The following SIPA1L3 variants were observed in gnomAD, a reference collection of about 807,000 sequenced individuals.
The protein encoded by SIPA1L3 is signal induced proliferation associated 1 like 3.
A neutral mutation model predicts 150.1 loss-of-function variants in SIPA1L3; 59 were observed. The observed-to-expected ratio is 0.39, with a 90% CI of 0.32 to 0.49. The LOEUF (loss-of-function observed/expected upper bound fraction) is 0.49. SIPA1L3 is among the 20% of genes least tolerant of loss of function. The probability of loss-of-function intolerance (pLI) is 0.86; values close to 1 mark genes in which losing one functional copy is unlikely to be tolerated. For missense variants in SIPA1L3, 2,211 were observed against 2,489.5 expected (o/e 0.89, Z 2.38); for synonymous variants, 1,070 against 1,077.6 (o/e 0.99, Z 0.14).
At chr19:37,963,920 T>G (rs2046880975) in intron 1 of SIPA1L3, 1 of 152,166 alleles carries the variant, frequency 6.6e-6, no homozygotes, top group Non-Finnish European at 1.5e-5. Flanking sequence ...CTTTTTGAGT[T>G]GTTGGGTTTG....
chr19:37,941,438 C>G (rs1217428716), intron 1 of SIPA1L3, among the ~76,000 whole-genome samples: 1 of 145,024 alleles, frequency 6.9e-6, no homozygotes, highest in African/African-American at 2.6e-5. Flanking sequence ...CTGGTGGTTT[C>G]TAATCTGTTG....
In SIPA1L3 at chr19:38,182,509, TGC is replaced by T; in HGVS notation, c.4209-9_4209-8del. On this transcript the variant is annotated splice_region_variant and splice_polypyrimidine_tract_variant and intron_variant, in intron 15 of 21. Coordinates refer to ENST00000222345, the MANE Select transcript of SIPA1L3 (RefSeq NM_015073.3). Reference sequence around the variant, plus strand: ...TGGTTTTTTTTATCTCTTTCATTTTTGCTTTGCAGTGACATGGGCTCGAGGGT... The same window carrying T: ...TGGTTTTTTTTATCTCTTTCATTTTTTTTGCAGTGACATGGGCTCGAGGGT... 6.3e-7 allele frequency: 1 copy of T among 1,578,386 alleles called. No individual in the cohort carries two copies. Among genetic ancestry groups the T allele is most frequent in the Non-Finnish European group, 8.6e-7 (1 of 1,159,148 alleles).
rs554377063 is a variant in SIPA1L3 at position 38,003,235 on chromosome 19, C to T, written c.-378-25854C>T. The stretch of plus-strand genomic sequence containing the variant: ...CTGGGCCAGGCACCAATGAGCAAGG[C>T]AGGCACAGCTCCTCCCTGGTGGAGC... On this transcript the variant is annotated intron_variant, in intron 1 of 21. Coordinates refer to ENST00000222345, the MANE Select transcript of SIPA1L3 (RefSeq NM_015073.3). Among the ~76,000 whole-genome samples, 57 of 152,312 alleles carry T rather than the reference C, an allele frequency of 3.7e-4. 1 individual carries two copies. In the South Asian group the frequency reaches 0.011, roughly 30 times the overall value.
Position 38,082,230 on chromosome 19 carries a change from T to C in SIPA1L3, c.665T>C (p.Leu222Pro). 6.2e-7 allele frequency: 1 copy of C among 1,601,952 alleles called. No homozygotes were observed. Among genetic ancestry groups the C allele is most frequent in the Non-Finnish European group, 8.5e-7 (1 of 1,179,742 alleles). The change falls in exon 3 of 22, where the codon CTG becomes CCG. Residue 222 changes from leucine (L) to proline (P), a missense_variant. Physicochemically the swap from Leu to Pro is moderately conservative, Grantham distance 98. Around this residue, in one of 5 missense-constraint regions of SIPA1L3, gnomAD observed 587 missense variants for 534.5 expected, o/e 1.10. Coordinates refer to ENST00000222345, the MANE Select transcript of SIPA1L3 (RefSeq NM_015073.3). ...GMPEQSFFDI[L>P]NEFRSEQPDA... ...CCCGAGCAGAGCTTCTTCGACATCC[T>C]GAACGAGTTCCGCAGCGAGCAGCCC...
chr19:38,188,190 TG>T (rs1317742706), intron 16 of SIPA1L3, among the ~76,000 whole-genome samples: 1 of 151,472 alleles, frequency 6.6e-6, no homozygotes, highest in Non-Finnish European at 1.5e-5. Flanking sequence ...GTGGTGGTGG[TG>T]GTGGTGGTGG....
chr19:38,002,837 A>G (rs747535305), intron 1 of SIPA1L3, among the ~76,000 whole-genome samples: 15 of 151,510 alleles, frequency 9.9e-5, no homozygotes, highest in Non-Finnish European at 2.2e-4. Flanking sequence ...TATAGTGAAT[A>G]ATGCTGCTGT....
chr19:37,984,692 A>C (rs1967299300), intron 1 of SIPA1L3, among the ~76,000 whole-genome samples: 2 of 152,222 alleles, frequency 1.3e-5, no homozygotes, highest in South Asian at 4.1e-4. Context: ...ACACATAGCA[A>C]GTGTGCATTA....
rs908379979 is a variant in SIPA1L3, at chr19:38,164,766, C to T, written c.4068C>T (p.His1356=). 8.1e-6 allele frequency: 13 copies of T among 1,612,828 alleles called. No individual in the cohort carries two copies. The highest frequency in any genetic ancestry group is 1.7e-4 in the Middle Eastern group (1 of 6,056). The change falls in exon 15 of 22, where the codon CAC becomes CAT. Residue 1356 remains histidine, a synonymous_variant. Transcript: ENST00000222345. This position sits in a 1 kb window ranked among gnomAD's most constrained non-coding sequence, Gnocchi z 4.1. ...GGREAAGRSH[H]ADRRREVSPA... is the part of the protein sequence containing the mutation. ...GCGAGGCCGCTGGGAGGTCCCACCACGCAGACAGGCGGCGGGAGGTCTCCC... is the reference window on the plus strand; with the variant it reads ...GCGAGGCCGCTGGGAGGTCCCACCATGCAGACAGGCGGCGGGAGGTCTCCC...
intron 13 of SIPA1L3, among the ~76,000 whole-genome samples, chr19:38,155,248 A>G (rs1971917650): frequency 6.6e-6 from 1 of 151,910 alleles, no homozygotes; most frequent in Admixed American, 6.6e-5. Flanking sequence ...TTTTTTAAAA[A>G]CATTTTTTAC....
chr19:38,042,348 A>G (rs1184331585), intron 2 of SIPA1L3, among the ~76,000 whole-genome samples: 2 of 152,188 alleles, frequency 1.3e-5, no homozygotes, highest in African/African-American at 2.4e-5. Context: ...TCTGATTACT[A>G]TAGCTTTGTA....
At chr19:38,166,518 G>A (rs936116499) in intron 15 of SIPA1L3, among the ~76,000 whole-genome samples, 19 of 151,586 alleles carry the variant, frequency 1.3e-4, no homozygotes, top group Non-Finnish European at 1.8e-4. Context: ...CTAGAGTCCC[G>A]ACCACACACA....
intron 1 of SIPA1L3, among the ~76,000 whole-genome samples, chr19:37,965,940 C>T (rs143993251): frequency 2.4e-4 from 37 of 152,200 alleles, no homozygotes; most frequent in Non-Finnish European, 3.5e-4. Context: ...TCTTTGTGTG[C>T]GGTGGGCACT....
chr19:38,087,471 A>T (rs1363425082), intron 3 of SIPA1L3, among the ~76,000 whole-genome samples: 6 of 152,196 alleles, frequency 3.9e-5, no homozygotes, highest in Non-Finnish European at 8.8e-5. Flanking sequence ...CATCAGTTAA[A>T]CATTCAGTGT....
intron 16 of SIPA1L3, among the ~76,000 whole-genome samples, chr19:38,186,424 T>A (rs543029378): frequency 6.9e-4 from 105 of 152,198 alleles, no homozygotes; most frequent in African/African-American, 2.4e-3. Flanking sequence ...GCACTTCTTC[T>A]GCCTCAGCCT....
chr19:38,090,286 C>T (rs543048950), intron 4 of SIPA1L3, among the ~76,000 whole-genome samples: 24 of 149,666 alleles, frequency 1.6e-4, no homozygotes, highest in Middle Eastern at 3.4e-3. Flanking sequence ...GCTGAGATCG[C>T]GCCATTGTAC....
intron 12 of SIPA1L3, among the ~76,000 whole-genome samples, chr19:38,144,595 AT>A (rs1971666672): frequency 6.6e-6 from 1 of 152,216 alleles, no homozygotes; most frequent in African/African-American, 2.4e-5. Context: ...CCATTGTTAG[AT>A]TCTAAGCCTC....
chr19:38,007,900 G>A (rs942265001), intron 1 of SIPA1L3, among the ~76,000 whole-genome samples: 3 of 152,114 alleles, frequency 2.0e-5, no homozygotes, highest in African/African-American at 4.8e-5. Flanking sequence ...TGTTTATCAC[G>A]GTCTGATGTT....
intron 12 of SIPA1L3, among the ~76,000 whole-genome samples, chr19:38,144,138 C>G (rs1412449159): frequency 6.6e-6 from 1 of 152,216 alleles, no homozygotes; most frequent in East Asian, 1.9e-4. Context: ...TCTGGAGCTC[C>G]CTCTTGAGGC....
intron 1 of SIPA1L3, among the ~76,000 whole-genome samples, chr19:37,984,488 A>G (rs1388558019): frequency 2.0e-5 from 3 of 152,170 alleles, no homozygotes; most frequent in Admixed American, 6.5e-5. Flanking sequence ...TCCCCCAGAT[A>G]GATTATTGTG....
Sources: allele counts gnomAD v4.1 joint callset (sites outside exome capture counted in the v4.1 genomes callset), GRCh38; gene constraint gnomAD v4.1.1; regional missense constraint gnomAD v4.1.1; non-coding constraint Gnocchi (gnomAD v3.1); transcripts MANE v1.5; gene names NCBI Gene and HGNC (gene_info 2026-07-23, HGNC 2026-07-21).